The following CCDC197 variants were observed in gnomAD, a reference collection of about 807,000 sequenced individuals.
CCDC197 encodes the protein coiled-coil domain containing 197, also known as uncharacterized protein CCDC197.
Under a neutral mutation model 13.4 loss-of-function variants are expected in CCDC197, and 24 were observed. That is an observed-to-expected ratio of 1.80 (90% CI 1.30 to 2.53). The LOEUF is 2.53. Among genes scored for constraint, CCDC197 ranks in the 30% most tolerant of loss-of-function variants. The pLI is 0.00. For missense variants in CCDC197, 255 were observed against 148.8 expected, an observed-to-expected ratio of 1.71 and a Z score of -3.71; for synonymous variants, 99 against 55.5, an observed-to-expected ratio of 1.78 and a Z score of -3.48.
intron 3 of CCDC197, chr14:94,000,691 A>T (rs368036228): frequency 1.9e-5 from 3 of 153,910 alleles, no homozygotes; most frequent in African/African-American, 7.2e-5. Context: ...CTTGCGGCAG[A>T]CCCAGCACCC....
At chr14:93,996,603 G>A (rs1890319440), upstream of CCDC197, among the ~76,000 whole-genome samples, 1 of 152,086 alleles carries the variant, frequency 6.6e-6, no homozygotes, top group Admixed American at 6.5e-5. Context: ...CACCCTCTCT[G>A]GGGACCTTCC....
At chr14:93,999,755 C>T (rs1890436043) in intron 3 of CCDC197, 90 bp downstream of exon 3, 1 of 742,906 alleles carries the variant, frequency 1.3e-6, no homozygotes, top group Non-Finnish European at 2.5e-6. Context: ...CTCATGGAGC[C>T]ACGAGCTGCT....
chr14:94,000,939 T>C, intron 3 of CCDC197: 1 of 392,272 alleles, frequency 2.5e-6, no homozygotes, highest in Non-Finnish European at 4.3e-6. Context: ...AGGTTGAGGA[T>C]TCCCTTGAAG....
At chr14:94,011,686 A>G (rs1395130607), downstream of CCDC197, among the ~76,000 whole-genome samples, 1 of 152,272 alleles carries the variant, frequency 6.6e-6, no homozygotes, top group Non-Finnish European at 1.5e-5. Context: ...GCACTAGTTC[A>G]GGTACCTTAC....
chr14:93,991,228 G>C (rs1303997995), intron 1 of CCDC197, among the ~76,000 whole-genome samples: 4 of 152,198 alleles, frequency 2.6e-5, no homozygotes, highest in Admixed American at 1.3e-4. Context: ...ACCCAGAGGT[G>C]GATGAGGAGG....
At chr14:93,987,972 A>G (rs1244845486) in intron 1 of CCDC197, among the ~76,000 whole-genome samples, 1 of 118,132 alleles carries the variant, frequency 8.5e-6, no homozygotes, top group African/African-American at 3.3e-5. Context: ...GGGAGGGGCC[A>G]GGGAGAAACA....
chr14:93,987,460 G>A (rs148657002), intron 1 of CCDC197: 3 of 152,626 alleles, frequency 2.0e-5, no homozygotes, highest in Admixed American at 6.5e-5. Context: ...AGCCCCAGAC[G>A]ACTTGCGCAG....
At chr14:94,005,263 C>T (rs1460460656) in intron 6 of CCDC197, among the ~76,000 whole-genome samples, 2 of 152,232 alleles carry the variant, frequency 1.3e-5, no homozygotes, top group African/African-American at 2.4e-5. Flanking sequence ...CGCACACACA[C>T]AGTACACACC....
At chr14:94,001,443 G>A (rs1046128830) in intron 4 of CCDC197, 120 bp downstream of exon 4, 8 of 552,650 alleles carry the variant, frequency 1.4e-5, no homozygotes, top group Non-Finnish European at 2.3e-5. Flanking sequence ...ATGCTGGGGG[G>A]CCCTCGGTGG....
chr14:94,008,460 T>C (rs1257150271), intron 6 of CCDC197, 149 bp from the exon 7 acceptor site: 1 of 611,766 alleles, frequency 1.6e-6, no homozygotes, highest in African/African-American at 1.8e-5. Context: ...TTTGCTCATT[T>C]ACCCAGTGGC....
At chr14:93,988,830 G>A (rs116299310) in intron 1 of CCDC197, among the ~76,000 whole-genome samples, 4,779 of 134,182 alleles carry the variant, frequency 0.036, 127 homozygotes, top group African/African-American at 0.07. Context: ...AGGGATGGGA[G>A]AGGGCATGGG....
rs1595351957 is a variant in CCDC197 at position 93,999,639 on chromosome 14, T to A, written c.161T>A (p.Ile54Asn). Residue 54 changes from isoleucine (I) to asparagine (N), a missense_variant, in exon 3 of 7, where the codon ATT (isoleucine) becomes AAT (asparagine). By Grantham distance (149) the Ile-to-Asn change is moderately radical. Transcript: ENST00000636493. ...CACAAGCTTTTTGAAGACTATCTGA[T>A]TAAGGTCCTTGAGAAAATCCCCGAG... ...EKHKLFEDYLIKVLEKIPEGC... is the reference protein window; with the variant it reads ...EKHKLFEDYLNKVLEKIPEGC... The A allele has an allele frequency of 2.6e-6, 2 of 781,068 alleles. No homozygotes were observed. The highest frequency in any genetic ancestry group is 4.5e-4 in the Middle Eastern group (2 of 4,442). The allele number at this position is 781,068 out of a possible 1,614,324, so 48.4% of individuals were successfully genotyped here.
At position 94,003,653 on chromosome 14, in the gene CCDC197, A is replaced by G. The variant is rs1890600044; in HGVS notation, c.498+299A>G. 6.6e-6 allele frequency among the ~76,000 whole-genome samples: 1 copy of G among 152,074 alleles called. No individual in the cohort carries two copies. The highest frequency in any genetic ancestry group is 1.5e-5 in the Non-Finnish European group (1 of 67,994). On this transcript the variant is annotated intron_variant, in intron 5 of 6. Transcript: ENST00000636493. This position sits in a 1 kb window ranked among gnomAD's most constrained non-coding sequence, Gnocchi z 5.0. ...CACAGACATGCAAACACACGCACAG[A>G]CACACAGACACATACACACACAAAG... is the stretch of plus-strand genomic sequence containing the variant.
chr14:93,998,810 G>T (rs1221087859), intron 2 of CCDC197, among the ~76,000 whole-genome samples: 1 of 152,204 alleles, frequency 6.6e-6, no homozygotes, highest in Non-Finnish European at 1.5e-5. Context: ...ATGTTGTCCT[G>T]CACTTTTCAG....
At position 94,002,060 on chromosome 14, in the gene CCDC197, T is replaced by C. The variant is rs867880447; in HGVS notation, c.366+737T>C. Among the ~76,000 whole-genome samples the C allele has an allele frequency of 2.0e-5, 3 of 152,190 alleles. No individual in the cohort carries two copies. In the South Asian group the frequency reaches 6.2e-4, roughly 32 times the overall value. ...CACTGCGTGAAGCACTTTACATGCT[T>C]TATCTCACTTAAATATCACGCCAGC... On this transcript the variant is annotated intron_variant, in intron 4 of 6. Transcript: ENST00000636493.
At chr14:94,007,383 T>C (rs1198693131) in intron 6 of CCDC197, 1 of 152,216 alleles carries the variant, frequency 6.6e-6, no homozygotes, top group Non-Finnish European at 1.5e-5. Context: ...AAAGTTCTAT[T>C]TTTCCCCTTT....
intron 6 of CCDC197, among the ~76,000 whole-genome samples, chr14:94,005,492 T>A (rs1890656559): frequency 6.6e-6 from 1 of 152,206 alleles, no homozygotes; most frequent in African/African-American, 2.4e-5. Context: ...TCCACTGGGC[T>A]TCTTTCCTCA....
In CCDC197 at chr14:93,998,095, T is replaced by C; in HGVS notation, c.-37T>C. 6.4e-6 allele frequency: 5 copies of C among 779,856 alleles called. No individual in the cohort carries two copies. Among genetic ancestry groups the C allele is most frequent in the Non-Finnish European group, 1.2e-5 (5 of 417,944 alleles). The allele number at this position is 779,856 out of a possible 1,614,324, so 48.3% of individuals were successfully genotyped here. The stretch of plus-strand genomic sequence containing the variant: ...GTCTTCATCCTGCCTGACTCACGGG[T>C]CTCCTGTCCTCCTGCATAGCTTGCG... On this transcript the variant is annotated 5_prime_UTR_variant, in exon 2 of 7. Transcript: ENST00000636493.
downstream of CCDC197, among the ~76,000 whole-genome samples, chr14:94,009,314 T>C (rs1167597453): frequency 1.3e-5 from 2 of 152,156 alleles, no homozygotes; most frequent in Non-Finnish European, 2.9e-5. Flanking sequence ...AGAAGTTGAG[T>C]ACCAGGTTGG....
Sources: allele counts gnomAD v4.1 joint callset (sites outside exome capture counted in the v4.1 genomes callset), GRCh38; gene constraint gnomAD v4.1.1; non-coding constraint Gnocchi (gnomAD v3.1); transcripts MANE v1.5; gene names NCBI Gene and HGNC (gene_info 2026-07-23, HGNC 2026-07-21).